SASH1: variants seen among roughly 807,000 people sequenced by gnomAD.
SASH1 encodes the protein SAM and SH3 domain containing 1.
SASH1 carries 44 observed loss-of-function variants against 125.2 expected under a neutral mutation model. That is an observed-to-expected ratio of 0.35 (90% CI 0.28 to 0.45). The LOEUF (loss-of-function observed/expected upper bound fraction) is 0.45. Among genes scored for constraint, SASH1 ranks in the 20% least tolerant of loss-of-function variants. SASH1 has a pLI of 1.00. For missense variants in SASH1, 1,426 were observed against 1,614.5 expected (o/e 0.88, Z 2.00); for synonymous variants, 639 against 649.1 (o/e 0.98, Z 0.24).
chr6:148,331,697 T>C (rs1780999268), intron 1 of SASH1, among the ~76,000 whole-genome samples: 1 of 152,118 alleles, frequency 6.6e-6, no homozygotes, highest in Non-Finnish European at 1.5e-5. Flanking sequence ...CAGAGTAGAA[T>C]AAAACATTTC....
At chr6:148,376,858 A>T (rs1375909981) in intron 1 of SASH1, among the ~76,000 whole-genome samples, 3 of 151,444 alleles carry the variant, frequency 2.0e-5, no homozygotes, top group South Asian at 2.1e-4. Flanking sequence ...ACAGAATGAG[A>T]TCCTGTTTTT....
At chr6:148,401,776 A>G (rs184796038) in intron 2 of SASH1, among the ~76,000 whole-genome samples, 2 of 149,092 alleles carry the variant, frequency 1.3e-5, no homozygotes, top group African/African-American at 2.4e-5. Flanking sequence ...GAACATCTGG[A>G]TGTGTGTGTG....
At chr6:148,223,253 T>C in the SASH1 span, among the ~76,000 whole-genome samples, 1 of 152,190 alleles carries the variant, frequency 6.6e-6, no homozygotes, top group African/African-American at 2.4e-5. Context: ...AAATGTGAAA[T>C]ATAGTTATAT....
intron 4 of SASH1, among the ~76,000 whole-genome samples, chr6:148,456,400 G>A (rs73013186): frequency 0.09 from 13,690 of 151,948 alleles, 672 homozygotes; most frequent in Middle Eastern, 0.13. Context: ...GCAAACAGAG[G>A]GCCAGAGAGG....
At chr6:148,483,459 A>G (rs765816007) in intron 7 of SASH1, among the ~76,000 whole-genome samples, 31 of 152,192 alleles carry the variant, frequency 2.0e-4, no homozygotes, top group Non-Finnish European at 4.1e-4. Context: ...CAAACTATAT[A>G]TAGCATTGTG....
At chr6:148,514,481 A>AGGC in intron 9 of SASH1, 25 bp downstream of exon 9, 2 of 1,394,554 alleles carry the variant, frequency 1.4e-6, no homozygotes, top group Non-Finnish European at 9.4e-7. Flanking sequence ...AAAAAAAAAA[A>AGGC]AAAAAGGCAG....
At chr6:148,203,264 C>T in the SASH1 span, among the ~76,000 whole-genome samples, 642 of 152,328 alleles carry the variant, frequency 4.2e-3, 5 homozygotes, top group African/African-American at 0.012. Context: ...CCCAGGCCAA[C>T]ACACTGCTGT....
intron 8 of SASH1, among the ~76,000 whole-genome samples, chr6:148,493,413 G>A (rs150222912): frequency 2.6e-5 from 4 of 152,290 alleles, no homozygotes; most frequent in East Asian, 3.9e-4. Context: ...CAGCCACCAC[G>A]GGTTATAGGC....
intron 12 of SASH1, among the ~76,000 whole-genome samples, chr6:148,527,889 G>A (rs755900479): frequency 9.2e-5 from 14 of 151,576 alleles, no homozygotes; most frequent in Non-Finnish European, 1.9e-4. Flanking sequence ...AGTGCACTAA[G>A]CGTTGTAAAT....
chr6:148,524,956 C>G (rs1000138355), intron 10 of SASH1: 37 of 263,804 alleles, frequency 1.4e-4, no homozygotes, highest in African/African-American at 8.0e-4. Flanking sequence ...AAGTTCTGTG[C>G]TGGAGACAGG....
chr6:148,385,305 A>T (rs752879253), intron 1 of SASH1, among the ~76,000 whole-genome samples: 1 of 152,174 alleles, frequency 6.6e-6, no homozygotes, highest in African/African-American at 2.4e-5. Context: ...CAGGTCCCCA[A>T]GTTATTGGGG....
the SASH1 span, among the ~76,000 whole-genome samples, chr6:148,264,525 C>G: frequency 6.6e-6 from 1 of 152,312 alleles, no homozygotes; most frequent in East Asian, 1.9e-4. Flanking sequence ...TATTGGGTCT[C>G]AAATAGAATT....
chr6:148,238,868 T>C, the SASH1 span, among the ~76,000 whole-genome samples: 147 of 152,220 alleles, frequency 9.7e-4, no homozygotes, highest in Non-Finnish European at 8.5e-4. Flanking sequence ...ACTACAAATA[T>C]GGGTAAGCTC....
At chr6:148,350,195 C>A (rs1443099697) in intron 1 of SASH1, among the ~76,000 whole-genome samples, 1 of 152,144 alleles carries the variant, frequency 6.6e-6, no homozygotes, top group African/African-American at 2.4e-5. Context: ...CGCCTCACAC[C>A]TGTAATCCCA....
At chr6:148,234,683 C>T in the SASH1 span, among the ~76,000 whole-genome samples, 50 of 152,082 alleles carry the variant, frequency 3.3e-4, no homozygotes, top group East Asian at 8.5e-3. Flanking sequence ...AAAAATTAAC[C>T]AGGCGTGGTG....
the SASH1 span, among the ~76,000 whole-genome samples, chr6:148,202,997 A>C: frequency 6.6e-6 from 1 of 152,150 alleles, no homozygotes; most frequent in Non-Finnish European, 1.5e-5. Context: ...AATATAGAAA[A>C]ATTGAAATGA....
chr6:148,383,071 G>A (rs1038347051), intron 1 of SASH1, among the ~76,000 whole-genome samples: 2 of 152,222 alleles, frequency 1.3e-5, no homozygotes, highest in Non-Finnish European at 2.9e-5. Context: ...GCAGAACGAC[G>A]ACGACGTGGC....
intron 4 of SASH1, among the ~76,000 whole-genome samples, chr6:148,465,492 G>A (rs553057846): frequency 6.0e-4 from 91 of 150,656 alleles, no homozygotes; most frequent in African/African-American, 2.1e-3. Context: ...GCAGTGAGCC[G>A]AGATCGCATC....
intron 10 of SASH1, among the ~76,000 whole-genome samples, chr6:148,520,770 G>T (rs1415394607): frequency 1.3e-5 from 2 of 152,164 alleles, no homozygotes; most frequent in Non-Finnish European, 2.9e-5. Context: ...TGAAAGAGAT[G>T]CTTGCTCTTG....
Sources: gnomAD v4.1 joint callset for allele counts (sites outside exome capture counted in the v4.1 genomes callset) on GRCh38, gnomAD v4.1.1 for gene constraint, MANE v1.5 for transcripts, NCBI Gene and HGNC (gene_info 2026-07-23, HGNC 2026-07-21) for gene names.